PLCB1: variants seen among roughly 807,000 people sequenced by gnomAD.
PLCB1 encodes the protein 1-phosphatidylinositol 4,5-bisphosphate phosphodiesterase beta-1.
In PLCB1, 46 loss-of-function variants were observed where a neutral mutation model predicts 161.8. The observed-to-expected ratio is 0.28, with a 90% confidence interval of 0.22 to 0.36. PLCB1 has a LOEUF of 0.36. Ranked by LOEUF, PLCB1 falls within the 10% of genes least tolerant of loss-of-function variation. The pLI is 1.00. For synonymous variants in PLCB1, 517 were observed against 503.7 expected, an observed-to-expected ratio of 1.03 and a Z score of -0.35; for missense variants, 1,016 against 1,472.5, an observed-to-expected ratio of 0.69 and a Z score of 5.07.
At chr20:8,493,492 T>C (rs1046300399) in intron 3 of PLCB1, among the ~76,000 whole-genome samples, 2 of 152,256 alleles carry the variant, frequency 1.3e-5, no homozygotes, top group Non-Finnish European at 2.9e-5. Flanking sequence ...TAAAAGGCTT[T>C]GGTTTGCTTC....
At chr20:8,231,698 C>G (rs539755457) in intron 2 of PLCB1, among the ~76,000 whole-genome samples, 42 of 143,834 alleles carry the variant, frequency 2.9e-4, no homozygotes, top group African/African-American at 1.1e-3. Flanking sequence ...AATTCTATTT[C>G]ATGAGTGAAC....
intron 27 of PLCB1, among the ~76,000 whole-genome samples, chr20:8,780,297 T>C (rs1394057846): frequency 6.6e-6 from 1 of 152,138 alleles, no homozygotes; most frequent in Non-Finnish European, 1.5e-5. Context: ...GGGATTTCGT[T>C]GTAATGTTAA....
chr20:8,779,226 A>G (rs901940253), intron 27 of PLCB1, among the ~76,000 whole-genome samples: 1 of 152,144 alleles, frequency 6.6e-6, no homozygotes, highest in African/African-American at 2.4e-5. Context: ...TTCCTGTCAG[A>G]TGTTTACTGA....
At chr20:8,179,267 G>A (rs1342218868) in intron 2 of PLCB1, among the ~76,000 whole-genome samples, 4 of 152,086 alleles carry the variant, frequency 2.6e-5, no homozygotes, top group South Asian at 2.1e-4. Flanking sequence ...ATCCATAAGC[G>A]TGGAATATAT....
intron 3 of PLCB1, among the ~76,000 whole-genome samples, chr20:8,471,734 T>G (rs1039395010): frequency 6.6e-6 from 1 of 152,152 alleles, no homozygotes; most frequent in Non-Finnish European, 1.5e-5. Flanking sequence ...AGCTCTAAAT[T>G]TAATACATGC....
intron 2 of PLCB1, among the ~76,000 whole-genome samples, chr20:8,257,442 GAAT>G (rs1186866099): frequency 8.5e-5 from 13 of 152,150 alleles, no homozygotes; most frequent in African/African-American, 2.9e-4. Context: ...CCTGGCCTGT[GAAT>G]TTTGTAGTCT....
chr20:8,200,237 T>C (rs577336574), intron 2 of PLCB1, among the ~76,000 whole-genome samples: 6 of 152,156 alleles, frequency 3.9e-5, no homozygotes, highest in African/African-American at 1.4e-4. Context: ...TCCTGGGTAT[T>C]GTTTTTGCAG....
chr20:8,595,178 C>G (rs935813455), intron 3 of PLCB1, among the ~76,000 whole-genome samples: 13 of 150,362 alleles, frequency 8.6e-5, no homozygotes, highest in Admixed American at 4.0e-4. Flanking sequence ...TATACATGTG[C>G]CATGCTGGTA....
At chr20:8,415,116 A>G (rs886134654) in intron 3 of PLCB1, among the ~76,000 whole-genome samples, 1 of 152,248 alleles carries the variant, frequency 6.6e-6, no homozygotes, top group Non-Finnish European at 1.5e-5. Context: ...TTGATGCAAT[A>G]GGGTGAGTCA....
At chr20:8,529,870 G>GTTCT (rs1984732871) in intron 3 of PLCB1, among the ~76,000 whole-genome samples, 3 of 152,038 alleles carry the variant, frequency 2.0e-5, no homozygotes, top group Non-Finnish European at 4.4e-5. Flanking sequence ...TGTAACTCTT[G>GTTCT]GAGTATAACA....
At chr20:8,629,720 A>G (rs574885822) in intron 4 of PLCB1, among the ~76,000 whole-genome samples, 5 of 152,218 alleles carry the variant, frequency 3.3e-5, no homozygotes, top group South Asian at 2.1e-4. Context: ...GTGATCTACA[A>G]TTTTTTAACC....
At chr20:8,228,075 C>G (rs1336732518) in intron 2 of PLCB1, among the ~76,000 whole-genome samples, 1 of 152,016 alleles carries the variant, frequency 6.6e-6, no homozygotes, top group African/African-American at 2.4e-5. Context: ...AGGAGAATTG[C>G]TTGAACCTGG....
At chr20:8,843,209 T>C (rs1341962574) in intron 31 of PLCB1, among the ~76,000 whole-genome samples, 3 of 152,214 alleles carry the variant, frequency 2.0e-5, no homozygotes, top group African/African-American at 7.2e-5. Flanking sequence ...GTATTTGAAC[T>C]TGAAGCATGG....
intron 2 of PLCB1, among the ~76,000 whole-genome samples, chr20:8,352,069 C>T (rs1022341219): frequency 2.0e-5 from 3 of 152,006 alleles, no homozygotes; most frequent in Admixed American, 6.6e-5. Flanking sequence ...TTCTTAATAA[C>T]CCAAAACTGG....
chr20:8,513,370 C>T (rs1157961118), intron 3 of PLCB1, among the ~76,000 whole-genome samples: 1 of 152,206 alleles, frequency 6.6e-6, no homozygotes, highest in African/African-American at 2.4e-5. Context: ...CATTCATTCA[C>T]ACACAGCAAA....
intron 2 of PLCB1, among the ~76,000 whole-genome samples, chr20:8,332,628 G>A (rs1985409478): frequency 6.6e-6 from 1 of 152,308 alleles, no homozygotes; most frequent in Non-Finnish European, 1.5e-5. Context: ...GAGATTACAC[G>A]TAGCCACTCA....
At chr20:8,870,912 C>G (rs968641894) in intron 31 of PLCB1, among the ~76,000 whole-genome samples, 6 of 152,138 alleles carry the variant, frequency 3.9e-5, no homozygotes, top group African/African-American at 1.4e-4. Flanking sequence ...GTTGGAAGAC[C>G]TTTGTCTAAA....
intron 3 of PLCB1, among the ~76,000 whole-genome samples, chr20:8,514,440 A>G (rs373409991): frequency 0.013 from 1,791 of 139,522 alleles, 19 homozygotes; most frequent in Middle Eastern, 0.056. Flanking sequence ...GCGAGACTCC[A>G]TCTCCAAAAA....
At chr20:8,866,189 A>T (rs1438182112) in intron 31 of PLCB1, among the ~76,000 whole-genome samples, 2 of 152,218 alleles carry the variant, frequency 1.3e-5, no homozygotes, top group African/African-American at 4.8e-5. Flanking sequence ...CGTGACGAAG[A>T]AGGAAATGGG....
Sources: allele counts gnomAD v4.1 joint callset (sites outside exome capture counted in the v4.1 genomes callset), GRCh38; gene constraint gnomAD v4.1.1; transcripts MANE v1.5; gene names NCBI Gene and HGNC (gene_info 2026-07-23, HGNC 2026-07-21).